Variants in CREB5 observed in about 807,000 individuals in gnomAD.
CREB5 encodes the protein cAMP responsive element binding protein 5, also known as cyclic AMP-responsive element-binding protein 5.
In CREB5, 19 loss-of-function variants were observed where a neutral mutation model predicts 57.1. The observed-to-expected ratio is 0.33, with a 90% CI of 0.23 to 0.49. CREB5 has a LOEUF of 0.49. Ranked by LOEUF, CREB5 falls within the 20% of genes least tolerant of loss-of-function variation. CREB5 has a pLI of 0.99. For synonymous variants in CREB5, 238 were observed against 238.3 expected (o/e 1.00, Z 0.01); for missense variants, 579 against 671.6 (o/e 0.86, Z 1.52).
At chr7:28,747,994 AACCACAGGCCAGGG>A (rs1458315096) in intron 7 of CREB5, among the ~76,000 whole-genome samples, 6 of 152,216 alleles carry the variant, frequency 3.9e-5, no homozygotes, top group African/African-American at 1.4e-4. Context: ...GGAAAGCCAG[AACCACAGGCCAGGG>A]TCAATGAACG....
intron 3 of CREB5, 84 bp downstream of exon 3, chr7:28,495,083 C>A: frequency 2.3e-6 from 2 of 876,046 alleles, no homozygotes; most frequent in Admixed American, 2.8e-5. Flanking sequence ...TAGGCGAGTC[C>A]CACTGGTAAA....
At chr7:28,772,700 G>T (rs574321302) in intron 7 of CREB5, among the ~76,000 whole-genome samples, 65 of 152,270 alleles carry the variant, frequency 4.3e-4, no homozygotes, top group African/African-American at 1.6e-3. Context: ...AGCCTTTATA[G>T]AACACTAGCA....
At chr7:28,520,280 C>T (rs992703318) in intron 4 of CREB5, among the ~76,000 whole-genome samples, 2 of 152,190 alleles carry the variant, frequency 1.3e-5, no homozygotes, top group Non-Finnish European at 2.9e-5. Context: ...CTTCCTCCTT[C>T]GTAGTTGTCT....
At chr7:28,327,706 C>G (rs2127985807) in intron 1 of CREB5, among the ~76,000 whole-genome samples, 1 of 152,190 alleles carries the variant, frequency 6.6e-6, no homozygotes, top group Admixed American at 6.5e-5. Context: ...ACAGTCTTGG[C>G]AAAAACATTC....
chr7:28,815,198 A>G lies in CREB5; in HGVS notation c.1255-2873A>G, dbSNP rs1408751611. 3.3e-5 allele frequency among the ~76,000 whole-genome samples: 5 copies of G among 152,186 alleles called. No individual in the cohort carries two copies. The East Asian group carries it at 7.7e-4, about 23-fold the overall frequency. ...TGAGGTGGGAGGATTGCTTGAGCCC[A>G]GGAGGTAGAGGCTGCAGTGAACTAT... On this transcript the variant is annotated intron_variant, in intron 9 of 10. Transcript: ENST00000357727.
At chr7:28,579,708 C>A (rs186564244) in intron 5 of CREB5, among the ~76,000 whole-genome samples, 3 of 152,334 alleles carry the variant, frequency 2.0e-5, no homozygotes, top group Admixed American at 1.3e-4. Context: ...CACTTTACAG[C>A]TGACCTCCAA....
chr7:28,644,634 GTTTCAATTTCAATTTGAAA>G (rs1195711366), intron 5 of CREB5, among the ~76,000 whole-genome samples: 1 of 151,950 alleles, frequency 6.6e-6, no homozygotes, highest in African/African-American at 2.4e-5. Context: ...AATTTGAAAT[GTTTCAATTTCAATTTGAAA>G]TTTCAATTTG....
chr7:28,532,994 G>A (rs1793792597), intron 4 of CREB5, among the ~76,000 whole-genome samples: 1 of 152,238 alleles, frequency 6.6e-6, no homozygotes, highest in Admixed American at 6.5e-5. Context: ...ATGTCCCACA[G>A]TTAGAGACAT....
intron 7 of CREB5, among the ~76,000 whole-genome samples, chr7:28,728,031 G>C (rs1428426188): frequency 5.3e-5 from 8 of 152,022 alleles, no homozygotes; most frequent in Admixed American, 2.6e-4. Flanking sequence ...CTGCAGCCTC[G>C]AATTCCTGGG....
chr7:28,780,938 A>T (rs1483786626), intron 7 of CREB5, among the ~76,000 whole-genome samples: 2 of 152,218 alleles, frequency 1.3e-5, no homozygotes, highest in Non-Finnish European at 2.9e-5. Flanking sequence ...GTCTTAGCCA[A>T]AATAGGGCTA....
intron 1 of CREB5, among the ~76,000 whole-genome samples, chr7:28,365,259 C>T (rs1786563568): frequency 6.6e-6 from 1 of 152,086 alleles, no homozygotes; most frequent in South Asian, 2.1e-4. Context: ...CAACATTTTC[C>T]ACTATTCATT....
intron 1 of CREB5, among the ~76,000 whole-genome samples, chr7:28,459,709 G>GAC: frequency 6.6e-6 from 1 of 152,302 alleles, no homozygotes; most frequent in South Asian, 2.1e-4. Context: ...GACGTAAGGG[G>GAC]GTGCAGAGAT....
At chr7:28,815,517 C>A (rs1474761620) in intron 9 of CREB5, among the ~76,000 whole-genome samples, 2 of 152,178 alleles carry the variant, frequency 1.3e-5, no homozygotes, top group South Asian at 2.1e-4. Context: ...ACCACATGTG[C>A]TGACTAGTGC....
chr7:28,347,574 C>T (rs1175196500), intron 1 of CREB5, among the ~76,000 whole-genome samples: 1 of 152,136 alleles, frequency 6.6e-6, no homozygotes, highest in East Asian at 1.9e-4. Context: ...TTTTCTAATT[C>T]TTAGAGTGTC....
intron 5 of CREB5, among the ~76,000 whole-genome samples, chr7:28,618,158 T>C (rs1266123863): frequency 1.3e-5 from 2 of 152,144 alleles, no homozygotes; most frequent in Non-Finnish European, 2.9e-5. Context: ...TGGAGGGGAC[T>C]ATCAGTCCTG....
intron 4 of CREB5, among the ~76,000 whole-genome samples, chr7:28,530,198 C>T (rs1472999414): frequency 6.6e-6 from 1 of 151,688 alleles, no homozygotes. Context: ...TTGGTACACA[C>T]TGTCACAGGC....
chr7:28,714,645 G>A (rs1471573119), intron 5 of CREB5, among the ~76,000 whole-genome samples: 1 of 152,154 alleles, frequency 6.6e-6, no homozygotes, highest in Non-Finnish European at 1.5e-5. Flanking sequence ...ATTCTGTTAA[G>A]GACAGTGAAA....
chr7:28,692,057 G>A (rs554189033), intron 5 of CREB5, among the ~76,000 whole-genome samples: 11 of 151,168 alleles, frequency 7.3e-5, no homozygotes, highest in Non-Finnish European at 1.5e-4. Flanking sequence ...GTGGTGGCAT[G>A]CGCACGTAGT....
At chr7:28,358,846 A>T (rs962872702) in intron 1 of CREB5, among the ~76,000 whole-genome samples, 24 of 152,146 alleles carry the variant, frequency 1.6e-4, no homozygotes, top group Admixed American at 3.3e-4. Flanking sequence ...AGCCTGAAGG[A>T]TTCTTCCCCC....
Sources: gnomAD v4.1 joint callset for allele counts (sites outside exome capture counted in the v4.1 genomes callset) on GRCh38, gnomAD v4.1.1 for gene constraint, MANE v1.5 for transcripts, NCBI Gene and HGNC (gene_info 2026-07-23, HGNC 2026-07-21) for gene names.